The following TANC1 variants were observed in gnomAD, a reference collection of about 807,000 sequenced individuals.
TANC1 encodes tetratricopeptide repeat, ankyrin repeat and coiled-coil containing 1.
A neutral mutation model predicts 149.7 loss-of-function variants in TANC1; 77 were observed. That is an observed-to-expected ratio of 0.51 (90% CI 0.43 to 0.62). The LOEUF (loss-of-function observed/expected upper bound fraction) is 0.62. TANC1 is among the 20% of genes least tolerant of loss of function. The pLI, the probability that TANC1 is intolerant of heterozygous loss-of-function variation, is 0.00. For missense variants in TANC1, 1,985 were observed against 2,321.8 expected, an observed-to-expected ratio of 0.85 and a Z score of 2.98; for synonymous variants, 854 against 925.0, an observed-to-expected ratio of 0.92 and a Z score of 1.39.
intron 3 of TANC1, among the ~76,000 whole-genome samples, chr2:159,088,843 G>A (rs372597112): frequency 6.6e-6 from 1 of 152,130 alleles, no homozygotes; most frequent in South Asian, 2.1e-4. Context: ...GGGTCTGGAG[G>A]CCAGGCCATC....
chr2:159,010,192 TG>T (rs780437151), intron 2 of TANC1, among the ~76,000 whole-genome samples: 1 of 152,332 alleles, frequency 6.6e-6, no homozygotes, highest in Non-Finnish European at 1.5e-5. Context: ...TTTTCTTAAA[TG>T]ATAGTTATGC....
At chr2:159,169,167 T>C in intron 8 of TANC1, 83 bp from the exon 9 acceptor site, 1 of 1,112,388 alleles carries the variant, frequency 9.0e-7, no homozygotes. Flanking sequence ...ACTGAATTGC[T>C]TAGTGATTTA....
intron 2 of TANC1, among the ~76,000 whole-genome samples, chr2:159,062,977 A>C: frequency 1.4e-5 from 2 of 143,554 alleles, no homozygotes; most frequent in Non-Finnish European, 3.1e-5. Flanking sequence ...CCGTCTCAAA[A>C]AAAAAAAAAA....
intron 1 of TANC1, among the ~76,000 whole-genome samples, chr2:158,975,164 A>T (rs1049297326): frequency 6.6e-6 from 1 of 152,002 alleles, no homozygotes; most frequent in African/African-American, 2.4e-5. Flanking sequence ...TATTGTATTT[A>T]TTGTATTTTA....
Position 159,230,642 on chromosome 2 carries a change from C to T in TANC1, c.5216C>T (p.Pro1739Leu). Reference sequence around the variant, plus strand: ...GCGAGGTTCCAACAGCAGAGCAATCCTCCAAGCCGCAGCTGGCACTGTCCG... The same window carrying T: ...GCGAGGTTCCAACAGCAGAGCAATCTTCCAAGCCGCAGCTGGCACTGTCCG... Reference protein sequence around the residue: ...KTARFQQQSNPPSRSWHCPAP... With the variant: ...KTARFQQQSNLPSRSWHCPAP... The change falls in exon 27 of 27, where the codon CCT becomes CTT. Residue 1739 changes from proline to leucine, a missense_variant. This residue lies in a region of TANC1 where 920 missense variants were observed against 994.7 expected (regional missense o/e 0.92). Transcript: ENST00000263635. The surrounding 1 kb of genome is among the most constrained non-coding windows in gnomAD (Gnocchi z 4.4). 5 of 1,614,204 alleles carry T rather than the reference C, an allele frequency of 3.1e-6. No individual in the cohort carries two copies. Among genetic ancestry groups the T allele is most frequent in the East Asian group, 2.2e-5 (1 of 44,880 alleles).
chr2:159,022,853 A>G (rs1225283595), intron 2 of TANC1, among the ~76,000 whole-genome samples: 1 of 152,136 alleles, frequency 6.6e-6, no homozygotes, highest in African/African-American at 2.4e-5. Context: ...AGACCTTCCT[A>G]AGATCTCTTG....
At chr2:159,007,732 G>C (rs1238169577) in intron 2 of TANC1, among the ~76,000 whole-genome samples, 1 of 152,174 alleles carries the variant, frequency 6.6e-6, no homozygotes, top group Non-Finnish European at 1.5e-5. Context: ...TGGTAAGGAG[G>C]CCAGGTTAAT....
At chr2:159,042,936 G>C (rs577019499) in intron 2 of TANC1, among the ~76,000 whole-genome samples, 5 of 152,118 alleles carry the variant, frequency 3.3e-5, no homozygotes, top group African/African-American at 1.2e-4. Context: ...AAAACATTTC[G>C]TTGTGGACTG....
chr2:159,068,379 A>C (rs978317657), intron 3 of TANC1, among the ~76,000 whole-genome samples: 1 of 152,246 alleles, frequency 6.6e-6, no homozygotes, highest in Non-Finnish European at 1.5e-5. Context: ...GCAAAGACAT[A>C]AGAAAATTCA....
chr2:159,114,407 G>A (rs1335346374), intron 4 of TANC1, among the ~76,000 whole-genome samples: 1 of 152,172 alleles, frequency 6.6e-6, no homozygotes, highest in African/African-American at 2.4e-5. Context: ...AGGTTTTACT[G>A]TACAGTTAAT....
chr2:159,136,591 A>C (rs540226073), intron 5 of TANC1, among the ~76,000 whole-genome samples: 8 of 152,206 alleles, frequency 5.3e-5, no homozygotes, highest in African/African-American at 1.9e-4. Flanking sequence ...GTCACCCAGT[A>C]GATTGCTTCC....
At chr2:159,073,889 C>G (rs1182894011) in intron 3 of TANC1, among the ~76,000 whole-genome samples, 5 of 152,156 alleles carry the variant, frequency 3.3e-5, no homozygotes, top group African/African-American at 1.2e-4. Flanking sequence ...ACAAAGGATT[C>G]TGAAGTAGAT....
At chr2:159,008,556 G>T (rs550069821) in intron 2 of TANC1, among the ~76,000 whole-genome samples, 1 of 152,270 alleles carries the variant, frequency 6.6e-6, no homozygotes, top group South Asian at 2.1e-4. Flanking sequence ...TACCCAAAAC[G>T]TCGAATCTTA....
intron 2 of TANC1, among the ~76,000 whole-genome samples, chr2:159,035,876 G>C (rs1323245559): frequency 6.6e-6 from 1 of 152,202 alleles, no homozygotes; most frequent in African/African-American, 2.4e-5. Context: ...AGGTGGGGAA[G>C]AGGCCAAAGA....
intron 2 of TANC1, among the ~76,000 whole-genome samples, chr2:159,053,798 A>G (rs1324615124): frequency 6.6e-6 from 1 of 152,192 alleles, no homozygotes; most frequent in African/African-American, 2.4e-5. Flanking sequence ...CAAATCCTCC[A>G]TATTGGCATT....
At chr2:158,989,705 C>T (rs2035410080) in intron 1 of TANC1, among the ~76,000 whole-genome samples, 1 of 151,774 alleles carries the variant, frequency 6.6e-6, no homozygotes, top group Non-Finnish European at 1.5e-5. Context: ...GACTGTCGTG[C>T]CCTTAGAGTA....
intron 23 of TANC1, chr2:159,224,610 C>CAGGAACCACGCCAGAG (rs1553618274): frequency 8.8e-6 from 4 of 453,516 alleles, no homozygotes; most frequent in Non-Finnish European, 1.6e-5. Flanking sequence ...TATCAGTGGC[C>CAGGAACCACGCCAGAG]AGGAACCACG....
chr2:159,033,199 T>A (rs1248497839), intron 2 of TANC1, among the ~76,000 whole-genome samples: 1 of 152,108 alleles, frequency 6.6e-6, no homozygotes, highest in Non-Finnish European at 1.5e-5. Context: ...TTTTGCATCT[T>A]GTGTGAGTTC....
chr2:159,211,586 ATGGTTCTGTTTGCTTAAGCATGTGGG>A (rs950317973), intron 19 of TANC1, among the ~76,000 whole-genome samples: 7 of 152,158 alleles, frequency 4.6e-5, no homozygotes, highest in Non-Finnish European at 8.8e-5. Context: ...TAATTTAGCC[ATGGTTCTGTTTGCTTAAGCATGTGGG>A]TGGCTATTCT....
Sources: gnomAD v4.1 joint callset for allele counts (sites outside exome capture counted in the v4.1 genomes callset) on GRCh38, gnomAD v4.1.1 for gene constraint, gnomAD v4.1.1 regional missense constraint, Gnocchi (gnomAD v3.1) non-coding constraint, MANE v1.5 for transcripts, NCBI Gene and HGNC (gene_info 2026-07-23, HGNC 2026-07-21) for gene names.